FAN1: variants seen among roughly 807,000 people sequenced by gnomAD.
FAN1 encodes fanconi-associated nuclease 1.
In FAN1, 91 loss-of-function variants were observed where a neutral mutation model predicts 104.9. That is an observed-to-expected ratio of 0.87 (90% CI 0.73 to 1.03). The LOEUF (loss-of-function observed/expected upper bound fraction) is 1.03, where lower values mean the gene tolerates loss of function less well. Ranked by LOEUF, FAN1 falls within the 50% of genes least tolerant of loss-of-function variation. The pLI is 0.00. For missense variants in FAN1, 1,263 were observed against 1,239.9 expected (o/e 1.02, Z -0.28); for synonymous variants, 478 against 457.6 (o/e 1.04, Z -0.57).
chr15:30,939,613 T>G, intron 14 of FAN1: 1 of 928,568 alleles, frequency 1.1e-6, no homozygotes, highest in Non-Finnish European at 1.3e-6. Context: ...GTACCTAATA[T>G]TTTTAAACTT....
rs139159448 is a variant in FAN1 at position 30,904,993 on chromosome 15, C to G, written c.330C>G (p.Thr110=). The G allele has an allele frequency of 6.2e-7, 1 of 1,613,948 alleles. No individual in the cohort carries two copies. The highest frequency in any genetic ancestry group is 1.1e-5 in the South Asian group (1 of 91,078). Residue 110 remains threonine (T), a synonymous_variant, in exon 2 of 15, where the codon ACC becomes ACG. Transcript: ENST00000362065. The stretch of plus-strand genomic sequence containing the variant: ...CACCACCACCAAAGACAAATTTAAC[C>G]CCTGGCCAAAGTGATTCAGCAAAAA... ...KKSPPPKTNL[T]PGQSDSAKRE... is the part of the protein sequence containing the mutation.
Position 30,905,431 on chromosome 15 carries a change from A to G in FAN1, c.768A>G (p.Gly256=), listed in dbSNP as rs776738765. The G allele has an allele frequency of 1.6e-5, 26 of 1,614,062 alleles. No individual in the cohort carries two copies. The highest frequency in any genetic ancestry group is 2.2e-5 in the Non-Finnish European group (26 of 1,180,014). Residue 256 remains glycine (G), a synonymous_variant, in exon 2 of 15, where the codon GGA becomes GGG. Coordinates refer to ENST00000362065, the MANE Select transcript of FAN1 (RefSeq NM_014967.5). ...GTGAGAAATCAGCCCTCACCCCTGG[A>G]TTCTCAGATAATGCGATCATGTTAT... ...RECEKSALTP[G]FSDNAIMLFS... is the part of the protein sequence containing the mutation.
Position 30,913,852 on chromosome 15 carries a change from T to C in FAN1, c.1578-6T>C. On this transcript the variant is annotated splice_region_variant and splice_polypyrimidine_tract_variant and intron_variant, in intron 4 of 14. Coordinates refer to ENST00000362065, the MANE Select transcript of FAN1 (RefSeq NM_014967.5). ...AAAAGTTATTTCTACATTGTACATT[T>C]TTCAGAGCCAAAGCCTTGGCTGGAC... is the stretch of plus-strand genomic sequence containing the variant. The C allele has an allele frequency of 6.3e-7, 1 of 1,584,166 alleles. No homozygotes were observed. Among genetic ancestry groups the C allele is most frequent in the Non-Finnish European group, 8.6e-7 (1 of 1,161,930 alleles).
Position 30,920,537 on chromosome 15 carries a change from C to T in FAN1, c.1944-8C>T, listed in dbSNP as rs1349260668. Reference sequence around the variant, plus strand: ...TTATTAAACTACTGGTATATGTCTTCATTTTAGATGCCACGAAGATTTACC... The same window carrying T: ...TTATTAAACTACTGGTATATGTCTTTATTTTAGATGCCACGAAGATTTACC... On this transcript the variant is annotated splice_region_variant and splice_polypyrimidine_tract_variant and intron_variant, in intron 6 of 14. Coordinates refer to ENST00000362065, the MANE Select transcript of FAN1 (RefSeq NM_014967.5). 1 of 1,584,150 alleles carries T rather than the reference C, an allele frequency of 6.3e-7. No homozygotes were observed. The highest frequency in any genetic ancestry group is 8.7e-7 in the Non-Finnish European group (1 of 1,155,212).
chr15:30,929,757 A>ATC (rs1399993135), intron 12 of FAN1, among the ~76,000 whole-genome samples: 6 of 35,712 alleles, frequency 1.7e-4, no homozygotes, highest in African/African-American at 7.8e-4. Context: ...TATATAATAT[A>ATC]ATATATAAAA....
chr15:30,905,188 A>G lies in FAN1; in HGVS notation c.525A>G (p.Glu175=), dbSNP rs1195266800. The G allele has an allele frequency of 1.4e-5, 22 of 1,613,678 alleles. No homozygotes were observed. Among genetic ancestry groups the G allele is most frequent in the Admixed American group, 3.3e-5 (2 of 60,010 alleles). Residue 175 remains glutamate (E), a synonymous_variant, in exon 2 of 15, where the codon GAA becomes GAG. Coordinates refer to ENST00000362065, the MANE Select transcript of FAN1 (RefSeq NM_014967.5). ...KAKKSIDKDE[E]FAGSSPQSSK... ...AAAAATCAATAGATAAGGATGAAGA[A>G]TTTGCCGGTTCTAGTCCACAGAGTT...
intron 13 of FAN1, among the ~76,000 whole-genome samples, chr15:30,933,729 GATTATA>G (rs71420529): frequency 0.1 from 15,749 of 151,646 alleles, 881 homozygotes; most frequent in African/African-American, 0.15. Context: ...TGATATCTCT[GATTATA>G]ATTGTGGTAT....
At position 30,908,182 on chromosome 15, in the gene FAN1, A is replaced by T. The variant is rs1340226843; in HGVS notation, c.1299A>T (p.Lys433Asn). ...QRKLSWIKMT[K>N]LEYEEIALDL... is the part of the protein sequence containing the mutation. ...AATTAAGCTGGATTAAGATGACCAA[A>T]TTAGAGTATGAAGAGATTGCCTTAG... The change falls in exon 3 of 15, where the codon AAA (lysine) becomes AAT (asparagine). Residue 433 changes from lysine to asparagine, a missense_variant. Transcript: ENST00000362065. 7.4e-6 allele frequency: 12 copies of T among 1,611,514 alleles called. No individual in the cohort carries two copies. Among genetic ancestry groups the T allele is most frequent in the African/African-American group, 1.3e-5 (1 of 74,870 alleles).
chr15:30,911,446 T>C, intron 4 of FAN1: 3 of 983,194 alleles, frequency 3.1e-6, no homozygotes, highest in Non-Finnish European at 3.6e-6. Flanking sequence ...ATTTTATATA[T>C]TTGTTTTGTA....
chr15:30,939,147 C>A, intron 14 of FAN1: 1 of 985,364 alleles, frequency 1.0e-6, no homozygotes, highest in Non-Finnish European at 1.2e-6. Flanking sequence ...CAAATGTGAA[C>A]AGCTTTCACC....
chr15:30,927,204 G>A, intron 10 of FAN1: 2 of 977,212 alleles, frequency 2.0e-6, no homozygotes, highest in Non-Finnish European at 2.4e-6. Context: ...GTGAGACCCT[G>A]TCTCAAAACA....
Position 30,938,410 on chromosome 15 carries a change from G to A in FAN1, c.*3+1151G>A, listed in dbSNP as rs529159681. Among the ~76,000 whole-genome samples, 12 of 152,228 alleles carry A rather than the reference G, an allele frequency of 7.9e-5. 1 individual carries two copies. In the South Asian group the frequency reaches 2.5e-3, roughly 32 times the overall value. On this transcript the variant is annotated intron_variant, in intron 14 of 14. Coordinates refer to ENST00000362065, the MANE Select transcript of FAN1 (RefSeq NM_014967.5). The stretch of plus-strand genomic sequence containing the variant: ...GTTGATTTATAACATGTAAATGCTT[G>A]TTCTACTGATTGGGCCCGGATCATG...
At position 30,941,637 on chromosome 15, in the gene FAN1, G is replaced by A. The variant is rs756808731; in HGVS notation, c.*75G>A. On this transcript the variant is annotated 3_prime_UTR_variant, in exon 15 of 15. Coordinates refer to ENST00000362065, the MANE Select transcript of FAN1 (RefSeq NM_014967.5). ...GTCCCCGAGGTGTCGGTGTGGTGAG[G>A]GCCGCTGGCGTTGAAGTACATCCTG... 2.5e-6 allele frequency: 4 copies of A among 1,608,606 alleles called. 1 individual carries two copies. Among genetic ancestry groups the A allele is most frequent in the Non-Finnish European group, 3.4e-6 (4 of 1,177,380 alleles).
Position 30,904,660 on chromosome 15 carries a change from A to C in FAN1, c.-4A>C, listed in dbSNP as rs753432330. ...GCTCAGAACATCCAGTTTTTCTAAT[A>C]CTCATGATGTCAGAAGGGAAACCTC... On this transcript the variant is annotated 5_prime_UTR_variant, in exon 2 of 15. Transcript: ENST00000362065. 1 of 1,607,382 alleles carries C rather than the reference A, an allele frequency of 6.2e-7. No homozygotes were observed. Among genetic ancestry groups the C allele is most frequent in the Non-Finnish European group, 8.5e-7 (1 of 1,177,516 alleles).
intron 14 of FAN1, among the ~76,000 whole-genome samples, chr15:30,938,133 G>A (rs369643468): frequency 2.0e-5 from 3 of 151,646 alleles, no homozygotes; most frequent in Admixed American, 6.6e-5. Flanking sequence ...GCAGTGAGCC[G>A]AGATTGCACC....
chr15:30,907,375 G>A (rs1012180922), intron 2 of FAN1, among the ~76,000 whole-genome samples: 40 of 151,986 alleles, frequency 2.6e-4, no homozygotes, highest in African/African-American at 9.4e-4. Flanking sequence ...AAAATTAGCC[G>A]GGCATGGTGG....
In FAN1 at chr15:30,908,192, G is replaced by A. The variant is rs760501655; in HGVS notation, c.1309G>A (p.Glu437Lys). 1.2e-6 allele frequency: 2 copies of A among 1,612,008 alleles called. No individual in the cohort carries two copies. The highest frequency in any genetic ancestry group is 1.7e-6 in the Non-Finnish European group (2 of 1,179,086). Residue 437 changes from glutamate (E) to lysine (K), a missense_variant, in exon 3 of 15, where the codon GAA (glutamate) becomes AAA (lysine). Physicochemically the swap from Glu to Lys is moderately conservative, Grantham distance 56 (BLOSUM62 1). This residue lies in a region of FAN1 where 682 missense variants were observed against 571.1 expected (regional missense o/e 1.19). Coordinates refer to ENST00000362065, the MANE Select transcript of FAN1 (RefSeq NM_014967.5). ...GATTAAGATGACCAAATTAGAGTAT[G>A]AAGAGATTGCCTTAGACTTAACACC... ...SWIKMTKLEY[E>K]EIALDLTPVI...
Position 30,908,036 on chromosome 15 carries a change from A to C in FAN1, c.1235-82A>C. 2.5e-6 allele frequency: 3 copies of C among 1,204,994 alleles called. No homozygotes were observed. In the South Asian group the frequency reaches 5.3e-5, roughly 21 times the overall value. The allele number at this position is 1,204,994 out of a possible 1,614,324, so 74.6% of individuals were successfully genotyped here. A position where few individuals can be genotyped will look rare whatever the true frequency, so the allele number is the denominator to read the frequency against. ...TTATACATACAGTAAGCATATGTGT[A>C]TTTCTAAATCGTACATTTATTCACC... is the stretch of plus-strand genomic sequence containing the variant. On this transcript the variant is annotated intron_variant, in intron 2 of 14. Transcript: ENST00000362065.
intron 14 of FAN1, chr15:30,941,039 T>C (rs1374184203): frequency 6.0e-6 from 7 of 1,170,914 alleles, no homozygotes; most frequent in Admixed American, 4.2e-5. Flanking sequence ...ACCAGAAAAA[T>C]ACATGAATAC....
Sources: gnomAD v4.1 joint callset for allele counts (sites outside exome capture counted in the v4.1 genomes callset) on GRCh38, gnomAD v4.1.1 for gene constraint, gnomAD v4.1.1 regional missense constraint, MANE v1.5 for transcripts, NCBI Gene and HGNC (gene_info 2026-07-23, HGNC 2026-07-21) for gene names.